Variants in MPDZ observed in about 807,000 individuals in gnomAD.
The protein encoded by MPDZ is multiple PDZ domain protein.
Under a neutral mutation model 239.1 loss-of-function variants are expected in MPDZ, and 234 were observed. The ratio of observed to expected loss-of-function variants is 0.98; its 90% CI spans 0.88 to 1.09. The LOEUF (loss-of-function observed/expected upper bound fraction) is 1.09, where lower values mean the gene tolerates loss of function less well. MPDZ is among the 50% of genes least tolerant of loss of function. The pLI is 0.00. For missense variants in MPDZ, 3,175 were observed against 2,510.0 expected (o/e 1.26, Z -5.66); for synonymous variants, 1,048 against 881.3 (o/e 1.19, Z -3.35).
chr9:13,146,309 T>C (rs1230057477), intron 26 of MPDZ, among the ~76,000 whole-genome samples: 1 of 152,026 alleles, frequency 6.6e-6, no homozygotes, highest in Non-Finnish European at 1.5e-5. Flanking sequence ...GTCCATGGCA[T>C]AGAATATTGA....
chr9:13,147,356 C>T (rs1248538133), intron 26 of MPDZ, among the ~76,000 whole-genome samples, 192 bp downstream of exon 26: 1 of 151,988 alleles, frequency 6.6e-6, no homozygotes, highest in Admixed American at 6.6e-5. Flanking sequence ...CCTCAAAAGT[C>T]TTTATTAAAC....
intron 12 of MPDZ, among the ~76,000 whole-genome samples, chr9:13,203,743 C>T (rs995927907): frequency 1.3e-5 from 2 of 150,392 alleles, no homozygotes; most frequent in African/African-American, 2.5e-5. Flanking sequence ...CACACACACA[C>T]ACACACACAC....
chr9:13,157,505 G>A (rs926369325), intron 24 of MPDZ, among the ~76,000 whole-genome samples: 5 of 152,056 alleles, frequency 3.3e-5, no homozygotes, highest in Admixed American at 6.6e-5. Context: ...AGTGATGCAC[G>A]TGATACATCT....
At chr9:13,275,951 CTCTCA>C (rs1974085548) in intron 1 of MPDZ, among the ~76,000 whole-genome samples, 1 of 152,126 alleles carries the variant, frequency 6.6e-6, no homozygotes, top group Non-Finnish European at 1.5e-5. Context: ...CATTTCCACC[CTCTCA>C]TCTCAAGACC....
rs773698746 is a variant in MPDZ at position 13,109,919 on chromosome 9, A to G, written c.5942+33T>C. The G allele has an allele frequency of 1.9e-5, 29 of 1,548,110 alleles. No homozygotes were observed. In the East Asian group the frequency reaches 3.4e-4, roughly 18 times the overall value. On this transcript the variant is annotated intron_variant, in intron 45 of 46. Coordinates refer to ENST00000319217, the MANE Select transcript of MPDZ (RefSeq NM_001378778.1). The stretch of plus-strand genomic sequence containing the variant: ...CAGGAAGACTTGATTCATAAGTGAA[A>G]AATGATACACTAATCATCATGTATG...
chr9:13,200,797 T>G (rs1956290571), intron 12 of MPDZ, among the ~76,000 whole-genome samples: 1 of 152,110 alleles, frequency 6.6e-6, no homozygotes, highest in Non-Finnish European at 1.5e-5. Context: ...TTTTGATATT[T>G]TAAGATTTAT....
chr9:13,270,321 C>A (rs1972683194), intron 1 of MPDZ, among the ~76,000 whole-genome samples: 1 of 151,924 alleles, frequency 6.6e-6, no homozygotes, highest in African/African-American at 2.4e-5. Context: ...ACAAATGACC[C>A]AAAAAAGGCT....
chr9:13,208,655 A>C lies in MPDZ; in HGVS notation c.1291-2556T>G, dbSNP rs1323475322. 2.0e-5 allele frequency among the ~76,000 whole-genome samples: 3 copies of C among 149,644 alleles called. No homozygotes were observed. In the East Asian group the frequency reaches 5.8e-4, roughly 29 times the overall value. On this transcript the variant is annotated intron_variant, in intron 10 of 46. Coordinates refer to ENST00000319217, the MANE Select transcript of MPDZ (RefSeq NM_001378778.1). Reference sequence around the variant, plus strand: ...ATATGTAAACAGCATATAATGTCTAAGTTTATATAGGATATATATATATAA... The same window carrying C: ...ATATGTAAACAGCATATAATGTCTACGTTTATATAGGATATATATATATAA...
chr9:13,168,444 T>C lies in MPDZ; in HGVS notation c.3176A>G (p.Glu1059Gly). 1.2e-6 allele frequency: 2 copies of C among 1,613,614 alleles called. No homozygotes were observed. Among genetic ancestry groups the C allele is most frequent in the Non-Finnish European group, 1.7e-6 (2 of 1,179,606 alleles). ...ATTGGTTACACTGATGGTAGACTCT[T>C]CATTAATGGACAAGATGCAGTCCCC... Reference protein sequence around the residue: ...AIGDCILSINEESTISVTNAQ... With the variant: ...AIGDCILSINGESTISVTNAQ... The change falls in exon 22 of 47, where the codon GAA (glutamate) becomes GGA (glycine). Residue 1059 changes from glutamate to glycine, a missense_variant. Glu to Gly is a moderately conservative substitution (Grantham distance 98, BLOSUM62 -2). Coordinates refer to ENST00000319217, the MANE Select transcript of MPDZ (RefSeq NM_001378778.1).
intron 10 of MPDZ, among the ~76,000 whole-genome samples, chr9:13,212,691 G>C (rs1054193313): frequency 6.6e-6 from 1 of 150,814 alleles, no homozygotes; most frequent in African/African-American, 2.4e-5. Flanking sequence ...AAGAGATCCA[G>C]GCCAGGTGCG....
In MPDZ at chr9:13,185,171, G is replaced by A. The variant is rs775119387; in HGVS notation, c.2481+1099C>T. 7.2e-5 allele frequency among the ~76,000 whole-genome samples: 11 copies of A among 151,856 alleles called. No individual in the cohort carries two copies. The East Asian group carries it at 1.9e-3, about 27-fold the overall frequency. ...CTAACATAATACCCATGGAGAGCAG[G>A]GCCATAAGTTACCTGGTATGTTAAG... On this transcript the variant is annotated intron_variant, in intron 18 of 46. Transcript: ENST00000319217.
At chr9:13,223,324 TA>T (rs1210709562) in intron 5 of MPDZ, among the ~76,000 whole-genome samples, 1 of 151,946 alleles carries the variant, frequency 6.6e-6, no homozygotes, top group Non-Finnish European at 1.5e-5. Flanking sequence ...ACAATGAAAA[TA>T]ATGTTATCCT....
chr9:13,169,235 G>T (rs575280882), intron 21 of MPDZ, among the ~76,000 whole-genome samples: 23 of 152,058 alleles, frequency 1.5e-4, no homozygotes, highest in Admixed American at 8.5e-4. Flanking sequence ...TTCTAATTTG[G>T]ATATTAAATT....
chr9:13,228,086 G>A lies in MPDZ; in HGVS notation c.184-3503C>T, dbSNP rs1373589085. 2.0e-5 allele frequency among the ~76,000 whole-genome samples: 3 copies of A among 151,792 alleles called. No individual in the cohort carries two copies. In the East Asian group the frequency reaches 5.8e-4, roughly 29 times the overall value. On this transcript the variant is annotated intron_variant, in intron 3 of 46. Transcript: ENST00000319217. The stretch of plus-strand genomic sequence containing the variant: ...TGAAAAGATCTTGATTCTCATCCTT[G>A]GTTTATAGAATATAAAATAAACAAA...
At chr9:13,178,509 CAT>C (rs1020064560) in intron 19 of MPDZ, among the ~76,000 whole-genome samples, 18 of 152,144 alleles carry the variant, frequency 1.2e-4, no homozygotes, top group African/African-American at 4.1e-4. Flanking sequence ...GTTCAAATTA[CAT>C]ATAGAGGCAA....
intron 40 of MPDZ, among the ~76,000 whole-genome samples, chr9:13,114,463 TGAG>T (rs565276285): frequency 2.0e-5 from 3 of 152,258 alleles, no homozygotes; most frequent in Non-Finnish European, 4.4e-5. Flanking sequence ...TAGACAACAC[TGAG>T]GAGAAGGTCA....
chr9:13,168,656 A>T lies in MPDZ; in HGVS notation c.3056-92T>A, dbSNP rs1587462278. The T allele has an allele frequency of 5.0e-6, 5 of 999,318 alleles. 1 individual carries two copies. Among genetic ancestry groups the T allele is most frequent in the East Asian group, 5.9e-5 (2 of 33,786 alleles). The allele number at this position is 999,318 out of a possible 1,614,324, so 61.9% of individuals were successfully genotyped here. A position where few individuals can be genotyped will look rare whatever the true frequency, so the allele number is the denominator to read the frequency against. ...TAATAATTTCTATGATTTATAGATT[A>T]AAAAATACAAGTAACATTTCAGTCA... On this transcript the variant is annotated intron_variant, in intron 21 of 46. Coordinates refer to ENST00000319217, the MANE Select transcript of MPDZ (RefSeq NM_001378778.1).
chr9:13,254,802 G>T (rs1969021430), intron 1 of MPDZ, among the ~76,000 whole-genome samples: 1 of 152,182 alleles, frequency 6.6e-6, no homozygotes, highest in Non-Finnish European at 1.5e-5. Flanking sequence ...AAAAATGCTA[G>T]TGATCATCTG....
intron 35 of MPDZ, among the ~76,000 whole-genome samples, chr9:13,124,590 T>C (rs1180543102): frequency 6.6e-6 from 1 of 152,182 alleles, no homozygotes; most frequent in Non-Finnish European, 1.5e-5. Context: ...CTCCATATAC[T>C]AGACTGGAAG....
Sources: allele counts gnomAD v4.1 joint callset (sites outside exome capture counted in the v4.1 genomes callset), GRCh38; gene constraint gnomAD v4.1.1; transcripts MANE v1.5; gene names NCBI Gene and HGNC (gene_info 2026-07-23, HGNC 2026-07-21).